Variants in MYO1E observed in about 807,000 individuals in gnomAD.
The protein encoded by MYO1E is myosin IE.
In MYO1E, 68 loss-of-function variants were observed where a neutral mutation model predicts 151.1. That is an observed-to-expected ratio of 0.45 (90% confidence interval 0.37 to 0.55). MYO1E has a LOEUF of 0.55. MYO1E is among the 20% of genes least tolerant of loss of function. The pLI, the probability that MYO1E is intolerant of heterozygous loss-of-function variation, is 0.00. For missense variants in MYO1E, 1,363 were observed against 1,389.3 expected, an observed-to-expected ratio of 0.98 and a Z score of 0.30; for synonymous variants, 601 against 501.7, an observed-to-expected ratio of 1.20 and a Z score of -2.64.
At chr15:59,183,963 A>G (rs1295231074) in intron 18 of MYO1E, among the ~76,000 whole-genome samples, 2 of 152,022 alleles carry the variant, frequency 1.3e-5, no homozygotes, top group Admixed American at 1.3e-4. Flanking sequence ...GGTTTGTTTC[A>G]CTTAACATAA....
chr15:59,178,463 T>C lies in MYO1E; in HGVS notation c.1979A>G (p.Gln660Arg), dbSNP rs777354701. The C allele has an allele frequency of 6.2e-7, 1 of 1,614,210 alleles. No individual in the cohort carries two copies. Among genetic ancestry groups the C allele is most frequent in the Non-Finnish European group, 8.5e-7 (1 of 1,180,034 alleles). ...EEKQGVLHLL[Q>R]SVNMDSDQFQ... ...CTGGTCGCTGTCCATGTTGACCGAC[T>C]GCAGCAGGTGCAGGACGCCTTGCTT... is the stretch of plus-strand genomic sequence containing the variant. The change falls in exon 19 of 28, where the codon CAG becomes CGG. Residue 660 changes from glutamine to arginine, a missense_variant. Coordinates refer to ENST00000288235, the MANE Select transcript of MYO1E (RefSeq NM_004998.4).
chr15:59,282,825 G>A (rs1350716264), intron 1 of MYO1E, among the ~76,000 whole-genome samples: 12 of 132,044 alleles, frequency 9.1e-5, no homozygotes, highest in South Asian at 2.8e-4. Flanking sequence ...TACAGCCTGC[G>A]TAACAGAGCA....
chr15:59,133,794 G>A lies in MYO1E; in HGVS notation c.*3586C>T. ...CCTACTGCCAGTGAAATCTTAACTG[G>A]GACAACACCTATAAAAGAAATGGTA... On this transcript the variant is annotated 3_prime_UTR_variant, in exon 28 of 28. Transcript: ENST00000288235. 6.6e-6 allele frequency: 1 copy of A among 152,390 alleles called. No individual in the cohort carries two copies. The highest frequency in any genetic ancestry group is 1.5e-5 in the Non-Finnish European group (1 of 68,132). 9.4% of individuals were successfully genotyped at this position (152,390 alleles called of 1,614,324 possible). A position where few individuals can be genotyped will look rare whatever the true frequency, so the allele number is the denominator to read the frequency against.
intron 1 of MYO1E, among the ~76,000 whole-genome samples, chr15:59,286,325 T>C (rs1311156201): frequency 1.3e-5 from 2 of 152,380 alleles, no homozygotes; most frequent in South Asian, 2.1e-4. Context: ...TCACATGTTA[T>C]GGTTTTCTCA....
chr15:59,171,538 G>C (rs1465545746), intron 22 of MYO1E, among the ~76,000 whole-genome samples: 1 of 152,216 alleles, frequency 6.6e-6, no homozygotes, highest in Non-Finnish European at 1.5e-5. Context: ...ACCTGGGTGA[G>C]GTGGACTGGG....
intron 1 of MYO1E, among the ~76,000 whole-genome samples, chr15:59,323,005 CAA>C (rs10569331): frequency 0.24 from 30,726 of 129,462 alleles, 4,522 homozygotes; most frequent in African/African-American, 0.44. Flanking sequence ...ACTAAAAATA[CAA>C]AAAAAAAAAA....
At position 59,163,156 on chromosome 15, in the gene MYO1E, C is replaced by G; in HGVS notation, c.2627+1G>C. ...AGTCTGGGTCCCAGATCCGGACTTA[C>G]GTATTGCTGAATTTCAGAGGTAGTT... On this transcript the variant is annotated splice_donor_variant, in intron 23 of 27. Transcript: ENST00000288235. LOFTEE classifies it high-confidence loss of function. 2 of 1,613,960 alleles carry G rather than the reference C, an allele frequency of 1.2e-6. No individual in the cohort carries two copies. Among genetic ancestry groups the G allele is most frequent in the Non-Finnish European group, 1.7e-6 (2 of 1,179,924 alleles).
In MYO1E at chr15:59,205,661, G is replaced by A. The variant is rs564114529; in HGVS notation, c.1531-176C>T. Reference sequence around the variant, plus strand: ...TGCATTTGGGATTTCATTGTGCACTGTCACAGGAAGGCTGTGCACGTCTTA... The same window carrying A: ...TGCATTTGGGATTTCATTGTGCACTATCACAGGAAGGCTGTGCACGTCTTA... On this transcript the variant is annotated intron_variant, in intron 14 of 27. Transcript: ENST00000288235. Among the ~76,000 whole-genome samples, 28 of 152,314 alleles carry A rather than the reference G, an allele frequency of 1.8e-4. No individual in the cohort carries two copies. The South Asian group carries it at 3.7e-3, about 20-fold the overall frequency.
At chr15:59,366,289 C>CA (rs201342980) in intron 1 of MYO1E, among the ~76,000 whole-genome samples, 1 of 56,216 alleles carries the variant, frequency 1.8e-5, no homozygotes, top group African/African-American at 3.5e-5. Context: ...CTGTCTCTTT[C>CA]TTTTTTTTCT....
chr15:59,333,387 A>G (rs2080709443), intron 1 of MYO1E, among the ~76,000 whole-genome samples: 1 of 151,756 alleles, frequency 6.6e-6, no homozygotes, highest in Non-Finnish European at 1.5e-5. Flanking sequence ...GATTACAGGC[A>G]CTCCACCACC....
intron 2 of MYO1E, among the ~76,000 whole-genome samples, chr15:59,268,869 G>A (rs1470167026): frequency 2.6e-5 from 4 of 151,678 alleles, no homozygotes; most frequent in Admixed American, 6.6e-5. Context: ...GTAAACAATC[G>A]TGATTGGGAG....
At position 59,324,998 on chromosome 15, in the gene MYO1E, T is replaced by C. The variant is rs1596417981; in HGVS notation, c.3+47500A>G. On this transcript the variant is annotated intron_variant, in intron 1 of 27. Transcript: ENST00000288235. ...GACTGAAGAACTATCTTCCCTTCAG[T>C]AGGGTTTAACAATTTAAATGAATTC... 2.7e-5 allele frequency among the ~76,000 whole-genome samples: 4 copies of C among 150,876 alleles called. No homozygotes were observed. The South Asian group carries it at 8.4e-4, about 32-fold the overall frequency.
At chr15:59,371,131 C>A (rs1465473448) in intron 1 of MYO1E, among the ~76,000 whole-genome samples, 1 of 152,072 alleles carries the variant, frequency 6.6e-6, no homozygotes, top group African/African-American at 2.4e-5. Context: ...AGGCTTTGGC[C>A]GAGGATGCCT....
intron 26 of MYO1E, among the ~76,000 whole-genome samples, chr15:59,151,702 C>T (rs1158308680): frequency 6.6e-6 from 1 of 151,988 alleles, no homozygotes; most frequent in Admixed American, 6.5e-5. Flanking sequence ...TACTTGAGGT[C>T]AGGAGTTTGA....
chr15:59,272,265 A>G, intron 2 of MYO1E, 41 bp downstream of exon 2: 2 of 1,608,034 alleles, frequency 1.2e-6, no homozygotes, highest in Non-Finnish European at 1.7e-6. Flanking sequence ...TGGACACTGT[A>G]ATATCACTTA....
rs1596386644 is a variant in MYO1E, at chr15:59,254,467, A to C, written c.332+1817T>G. Among the ~76,000 whole-genome samples, 3 of 152,306 alleles carry C rather than the reference A, an allele frequency of 2.0e-5. No individual in the cohort carries two copies. In the South Asian group the frequency reaches 6.2e-4, roughly 32 times the overall value. Reference sequence around the variant, plus strand: ...TGGCTTCCCAAAGTGCTAGTATTACATATACTCTTTTCTTGACCTTGGAAA... The same window carrying C: ...TGGCTTCCCAAAGTGCTAGTATTACCTATACTCTTTTCTTGACCTTGGAAA... On this transcript the variant is annotated intron_variant, in intron 4 of 27. Transcript: ENST00000288235.
chr15:59,141,871 G>T (rs1198627017), intron 26 of MYO1E, among the ~76,000 whole-genome samples: 1 of 151,696 alleles, frequency 6.6e-6, no homozygotes, highest in African/African-American at 2.4e-5. Context: ...ACTTGGGGAG[G>T]CCGAGGTGGG....
At chr15:59,189,916 CAT>C (rs1162850368) in intron 17 of MYO1E, among the ~76,000 whole-genome samples, 5 of 152,240 alleles carry the variant, frequency 3.3e-5, no homozygotes, top group Admixed American at 6.5e-5. Context: ...TATTCTCACA[CAT>C]GAGGATTTTC....
At chr15:59,344,425 A>C (rs1242179645) in intron 1 of MYO1E, among the ~76,000 whole-genome samples, 5 of 152,062 alleles carry the variant, frequency 3.3e-5, no homozygotes, top group African/African-American at 7.2e-5. Flanking sequence ...TGACAAAAGC[A>C]CCCCTATGGC....
Sources: gnomAD v4.1 joint callset for allele counts (sites outside exome capture counted in the v4.1 genomes callset) on GRCh38, gnomAD v4.1.1 for gene constraint, MANE v1.5 for transcripts, NCBI Gene and HGNC (gene_info 2026-07-23, HGNC 2026-07-21) for gene names.